Variants in CRADD observed in about 807,000 individuals in gnomAD.
CRADD encodes the protein death domain-containing protein CRADD.
A neutral mutation model predicts 15.5 loss-of-function variants in CRADD; 9 were observed. The observed-to-expected ratio is 0.58, with a 90% CI of 0.35 to 1.01. CRADD has a LOEUF of 1.01. Among genes scored for constraint, CRADD ranks in the 50% least tolerant of loss-of-function variants. The pLI is 0.02. For missense variants in CRADD, 227 were observed against 250.3 expected, an observed-to-expected ratio of 0.91 and a Z score of 0.63; for synonymous variants, 118 against 107.6, an observed-to-expected ratio of 1.10 and a Z score of -0.60.
intron 2 of CRADD, among the ~76,000 whole-genome samples, chr12:93,766,724 T>C (rs927199865): frequency 6.6e-6 from 1 of 152,182 alleles, no homozygotes; most frequent in Non-Finnish European, 1.5e-5. Context: ...AGAAGACAGA[T>C]GGTTTTAGTA....
intron 2 of CRADD, among the ~76,000 whole-genome samples, chr12:93,716,934 G>A (rs1306274151): frequency 2.0e-5 from 3 of 152,162 alleles, no homozygotes; most frequent in Non-Finnish European, 2.9e-5. Context: ...AATATGTTTA[G>A]TTTTGTGAAG....
At chr12:93,857,873 T>A (rs916498422) in intron 2 of CRADD, among the ~76,000 whole-genome samples, 4 of 152,252 alleles carry the variant, frequency 2.6e-5, no homozygotes, top group African/African-American at 9.6e-5. Flanking sequence ...CTTTTGTGGC[T>A]AGCACATTGG....
At chr12:93,827,287 T>C (rs1468539637) in intron 2 of CRADD, among the ~76,000 whole-genome samples, 2 of 152,210 alleles carry the variant, frequency 1.3e-5, no homozygotes, top group Non-Finnish European at 2.9e-5. Context: ...TTGGTTTCAT[T>C]TCCTAGAATT....
At chr12:93,705,225 T>C (rs1447140059) in intron 2 of CRADD, among the ~76,000 whole-genome samples, 1 of 152,244 alleles carries the variant, frequency 6.6e-6, no homozygotes, top group East Asian at 1.9e-4. Context: ...GATGCATTTA[T>C]GGACCAGATC....
chr12:93,732,352 A>G (rs1472342460), intron 2 of CRADD, among the ~76,000 whole-genome samples: 1 of 152,164 alleles, frequency 6.6e-6, no homozygotes, highest in Non-Finnish European at 1.5e-5. Context: ...TAGTTTTAGA[A>G]ACAGATTTTT....
At chr12:93,806,451 C>CAAA (rs59372325) in intron 2 of CRADD, among the ~76,000 whole-genome samples, 22 of 59,096 alleles carry the variant, frequency 3.7e-4, no homozygotes, top group Non-Finnish European at 5.6e-4. Flanking sequence ...GACTCCATCT[C>CAAA]AAAAAAAAAA....
At chr12:93,685,078 C>T (rs1055677865) in intron 2 of CRADD, among the ~76,000 whole-genome samples, 1 of 152,094 alleles carries the variant, frequency 6.6e-6, no homozygotes, top group Non-Finnish European at 1.5e-5. Flanking sequence ...TGTTTCAGTT[C>T]GGTAAGAATG....
At chr12:93,838,219 T>TG (rs1422438803) in intron 2 of CRADD, among the ~76,000 whole-genome samples, 2 of 150,696 alleles carry the variant, frequency 1.3e-5, no homozygotes, top group Non-Finnish European at 3.0e-5. Context: ...TTGAGGTTTT[T>TG]TTTTTTTTTT....
At chr12:93,723,479 C>T (rs943912551) in intron 2 of CRADD, among the ~76,000 whole-genome samples, 8 of 152,160 alleles carry the variant, frequency 5.3e-5, no homozygotes, top group South Asian at 2.1e-4. Flanking sequence ...AGACAAACTT[C>T]GACTCCCTAT....
In CRADD at chr12:93,881,449, G is replaced by T. The variant is rs1298314782; in HGVS notation, c.299-12601G>T. ...CTCAAAAAAAAAGTGTGGGGGGGGG[G>T]TGGGGATCAATCCTTTGCAGCTTCC... is the stretch of plus-strand genomic sequence containing the variant. On this transcript the variant is annotated intron_variant, in intron 2 of 2. Transcript: ENST00000548483. Among the ~76,000 whole-genome samples, 6 of 126,506 alleles carry T rather than the reference G, an allele frequency of 4.7e-5. 1 individual carries two copies. Among genetic ancestry groups the T allele is most frequent in the African/African-American group, 1.4e-4 (5 of 36,434 alleles). The allele number at this position is 126,506 out of a possible 152,430, so 83.0% of individuals were successfully genotyped here. A position where few individuals can be genotyped will look rare whatever the true frequency, so the allele number is the denominator to read the frequency against.
chr12:93,728,001 G>T (rs10507025), intron 2 of CRADD, among the ~76,000 whole-genome samples: 3,115 of 152,234 alleles, frequency 0.02, 80 homozygotes, highest in East Asian at 0.093. Flanking sequence ...CAGAACTTGC[G>T]TGTTACTATA....
chr12:93,817,306 C>G (rs1957714472), intron 2 of CRADD, among the ~76,000 whole-genome samples: 1 of 152,174 alleles, frequency 6.6e-6, no homozygotes, highest in Non-Finnish European at 1.5e-5. Flanking sequence ...TGTCTATGTT[C>G]AGCTGTGTGT....
chr12:93,708,577 C>T (rs1317847396), intron 2 of CRADD: 2 of 152,238 alleles, frequency 1.3e-5, no homozygotes, highest in African/African-American at 4.8e-5. Flanking sequence ...TCCATCAGAT[C>T]TCTGGTCAAC....
chr12:93,806,508 G>C (rs1957541590), intron 2 of CRADD, among the ~76,000 whole-genome samples: 1 of 150,900 alleles, frequency 6.6e-6, no homozygotes, highest in Non-Finnish European at 1.5e-5. Context: ...CTGACACGTG[G>C]TCAGTCTTTG....
At chr12:93,767,639 A>T (rs1451517597) in intron 2 of CRADD, among the ~76,000 whole-genome samples, 1 of 152,198 alleles carries the variant, frequency 6.6e-6, no homozygotes, top group African/African-American at 2.4e-5. Flanking sequence ...ACACCCAAGG[A>T]TGTACACCTA....
At chr12:93,837,886 C>A (rs542007727) in intron 2 of CRADD, 1 of 152,320 alleles carries the variant, frequency 6.6e-6, no homozygotes, top group South Asian at 2.1e-4. Flanking sequence ...TTATACTACC[C>A]AGGCTTCCTA....
chr12:93,737,165 T>C (rs919565998), intron 2 of CRADD, among the ~76,000 whole-genome samples: 1 of 152,176 alleles, frequency 6.6e-6, no homozygotes, highest in African/African-American at 2.4e-5. Context: ...GAATAGTATA[T>C]GGAAAAACAG....
intron 2 of CRADD, among the ~76,000 whole-genome samples, chr12:93,792,646 G>C (rs1411838905): frequency 3.3e-5 from 5 of 152,164 alleles, no homozygotes; most frequent in Admixed American, 3.3e-4. Flanking sequence ...GAAAAATATA[G>C]AAGTTAATAT....
intron 2 of CRADD, among the ~76,000 whole-genome samples, chr12:93,789,269 G>A (rs1018835846): frequency 1.3e-5 from 2 of 152,050 alleles, no homozygotes; most frequent in African/African-American, 2.4e-5. Context: ...TGCCTCCAGC[G>A]GATTGCCTGG....
Sources: gnomAD v4.1 joint callset for allele counts (sites outside exome capture counted in the v4.1 genomes callset) on GRCh38, gnomAD v4.1.1 for gene constraint, MANE v1.5 for transcripts, NCBI Gene and HGNC (gene_info 2026-07-23, HGNC 2026-07-21) for gene names.